THUMPD3: variants seen among roughly 807,000 people sequenced by gnomAD.
THUMPD3 encodes the protein tRNA (guanine(6)-N(2))-methyltransferase THUMP3.
Under a neutral mutation model 54.5 loss-of-function variants are expected in THUMPD3, and 44 were observed. The ratio of observed to expected loss-of-function variants is 0.81; its 90% CI spans 0.63 to 1.04. The LOEUF (loss-of-function observed/expected upper bound fraction) is 1.04. Ranked by LOEUF, THUMPD3 falls within the 50% of genes least tolerant of loss-of-function variation. THUMPD3 has a pLI of 0.00. For missense variants in THUMPD3, 604 were observed against 601.3 expected (o/e 1.00, Z -0.05); for synonymous variants, 196 against 201.4 (o/e 0.97, Z 0.23).
chr3:9,377,798 A>G (rs551029050), intron 5 of THUMPD3, 21 bp from the exon 6 acceptor site: 3 of 1,605,676 alleles, frequency 1.9e-6, no homozygotes, highest in Non-Finnish European at 1.7e-6. Flanking sequence ...GTCTTCACAT[A>G]GGCTGTTTTC....
intron 5 of THUMPD3, 121 bp downstream of exon 5, chr3:9,374,767 A>G: frequency 2.7e-6 from 3 of 1,128,812 alleles, no homozygotes; most frequent in Non-Finnish European, 3.8e-6. Context: ...TGGATAAAGA[A>G]TAGAATGGAA....
At chr3:9,380,424 G>A (rs544885583) in intron 6 of THUMPD3, 79 bp from the exon 7 acceptor site, 1 of 990,184 alleles carries the variant, frequency 1.0e-6, no homozygotes, top group Admixed American at 2.1e-5. Context: ...AAAAGCACTG[G>A]ATTTTCTTTG....
chr3:9,377,439 T>G (rs1241754850), intron 5 of THUMPD3, among the ~76,000 whole-genome samples: 1 of 152,176 alleles, frequency 6.6e-6, no homozygotes, highest in Non-Finnish European at 1.5e-5. Flanking sequence ...TCTTACATGA[T>G]CTTGGCTCAC....
Position 9,385,902 on chromosome 3 carries a change from T to C in THUMPD3, c.*1214T>C, listed in dbSNP as rs768958533. The C allele has an allele frequency of 6.6e-6, 1 of 152,188 alleles. No homozygotes were observed. Among genetic ancestry groups the C allele is most frequent in the Non-Finnish European group, 1.5e-5 (1 of 68,030 alleles). The allele number at this position is 152,188 out of a possible 1,614,324, so 9.4% of individuals were successfully genotyped here. ...AGTTGCAACAAGTCCTTCTTGAGAG[T>C]TTTGTGGAAAATGGTGCTTCCCTGG... is the stretch of plus-strand genomic sequence containing the variant. On this transcript the variant is annotated 3_prime_UTR_variant, in exon 10 of 10. Coordinates refer to ENST00000452837, the MANE Select transcript of THUMPD3 (RefSeq NM_001114092.2).
intron 5 of THUMPD3, among the ~76,000 whole-genome samples, chr3:9,377,338 G>A (rs958833634): frequency 2.0e-5 from 3 of 151,978 alleles, no homozygotes; most frequent in African/African-American, 7.3e-5. Flanking sequence ...CCAAGTAATG[G>A]AATATACAGT....
intron 3 of THUMPD3, among the ~76,000 whole-genome samples, chr3:9,370,511 C>T (rs1050694286): frequency 2.6e-5 from 4 of 152,228 alleles, no homozygotes; most frequent in Non-Finnish European, 5.9e-5. Flanking sequence ...TTGGCGTGAT[C>T]ATAGCTCATT....
intron 7 of THUMPD3, 57 bp from the exon 8 acceptor site, chr3:9,383,139 ATTG>A (rs2033048602): frequency 7.5e-6 from 9 of 1,206,642 alleles, no homozygotes; most frequent in South Asian, 7.4e-5. Context: ...AGAAACAAAA[ATTG>A]TTGTAATAAC....
intron 3 of THUMPD3, among the ~76,000 whole-genome samples, chr3:9,369,264 C>T (rs1055384796): frequency 7.7e-6 from 1 of 130,202 alleles, no homozygotes; most frequent in Non-Finnish European, 1.5e-5. Context: ...GAGCCGAGAT[C>T]ACGCCACTGC....
At chr3:9,379,930 T>C (rs1471949754) in intron 6 of THUMPD3, among the ~76,000 whole-genome samples, 1 of 152,106 alleles carries the variant, frequency 6.6e-6, no homozygotes, top group East Asian at 1.9e-4. Context: ...GCTCAAGAAA[T>C]CCTCCTGCCT....
At chr3:9,381,837 T>C (rs1213905573) in intron 7 of THUMPD3, among the ~76,000 whole-genome samples, 2 of 136,838 alleles carry the variant, frequency 1.5e-5, no homozygotes, top group Admixed American at 1.6e-4. Context: ...TGGAGTGCAG[T>C]GGCTTGATCT....
At chr3:9,381,013 C>T (rs563181867) in intron 7 of THUMPD3, 1 of 160,846 alleles carries the variant, frequency 6.2e-6, no homozygotes, top group African/African-American at 2.4e-5. Context: ...CTCACTGTAG[C>T]CTCAACCTAC....
At chr3:9,381,098 A>AT (rs2032851654) in intron 7 of THUMPD3, among the ~76,000 whole-genome samples, 1 of 152,088 alleles carries the variant, frequency 6.6e-6, no homozygotes, top group African/African-American at 2.4e-5. Flanking sequence ...TGCCCAGCTA[A>AT]TTTTTTAAAA....
rs1038561406 is a variant in THUMPD3 at position 9,385,670 on chromosome 3, A to C, written c.*982A>C. 2.0e-5 allele frequency: 3 copies of C among 152,244 alleles called. No individual in the cohort carries two copies. Among genetic ancestry groups the C allele is most frequent in the African/African-American group, 7.2e-5 (3 of 41,452 alleles). The allele number at this position is 152,244 out of a possible 1,614,324, so 9.4% of individuals were successfully genotyped here. The stretch of plus-strand genomic sequence containing the variant: ...TGATAGATGGGGTGTGGGACCAACA[A>C]ACCAAATTAAAAGAAATTGTTTTTC... On this transcript the variant is annotated 3_prime_UTR_variant, in exon 10 of 10. Transcript: ENST00000452837.
chr3:9,370,145 T>C (rs997624723), intron 3 of THUMPD3, among the ~76,000 whole-genome samples: 1 of 152,256 alleles, frequency 6.6e-6, no homozygotes, highest in African/African-American at 2.4e-5. Context: ...CTTTAACTTC[T>C]ATCCTTTGAC....
intron 4 of THUMPD3, among the ~76,000 whole-genome samples, chr3:9,372,461 T>C (rs2032131679): frequency 6.6e-6 from 1 of 151,978 alleles, no homozygotes; most frequent in Non-Finnish European, 1.5e-5. Flanking sequence ...ACTCCTGTGG[T>C]CCCAGCTACT....
At chr3:9,373,562 A>C (rs1260526165) in intron 4 of THUMPD3, among the ~76,000 whole-genome samples, 1 of 152,200 alleles carries the variant, frequency 6.6e-6, no homozygotes, top group African/African-American at 2.4e-5. Context: ...AATAATACCT[A>C]GCTTAGGGGA....
At chr3:9,364,616 G>A (rs1294945216) in intron 1 of THUMPD3, among the ~76,000 whole-genome samples, 2 of 152,152 alleles carry the variant, frequency 1.3e-5, no homozygotes, top group Non-Finnish European at 2.9e-5. Context: ...CAAAGTGCTG[G>A]GATTACAGGT....
Position 9,384,888 on chromosome 3 carries a change from G to GT in THUMPD3, c.*201dup, listed in dbSNP as rs1302629572. The GT allele has an allele frequency of 2.1e-4, 126 of 593,278 alleles. No individual in the cohort carries two copies. In the African/African-American group the frequency reaches 2.3e-3, roughly 11 times the overall value. The allele number at this position is 593,278 out of a possible 1,614,324, so 36.8% of individuals were successfully genotyped here. A position where few individuals can be genotyped will look rare whatever the true frequency, so the allele number is the denominator to read the frequency against. On this transcript the variant is annotated 3_prime_UTR_variant, in exon 10 of 10. Transcript: ENST00000452837. ...AGACCAGGCACAGTGGCTCACGACT[G>GT]TAATTCCAGCAGTTTAGGAAGCCGA...
chr3:9,365,380 C>A, intron 2 of THUMPD3, 60 bp downstream of exon 2: 1 of 1,577,514 alleles, frequency 6.3e-7, no homozygotes, highest in Non-Finnish European at 8.6e-7. Context: ...GGTTACTTTT[C>A]ATTTTATAGA....
Sources: gnomAD v4.1 joint callset for allele counts (sites outside exome capture counted in the v4.1 genomes callset) on GRCh38, gnomAD v4.1.1 for gene constraint, MANE v1.5 for transcripts, NCBI Gene and HGNC (gene_info 2026-07-23, HGNC 2026-07-21) for gene names.